Variants in TRIP4 observed in about 807,000 individuals in gnomAD.
TRIP4 encodes thyroid hormone receptor interactor 4, also known as activating signal cointegrator 1.
A neutral mutation model predicts 81.8 loss-of-function variants in TRIP4; 54 were observed. The observed-to-expected ratio is 0.66, with a 90% CI of 0.53 to 0.83. The LOEUF (loss-of-function observed/expected upper bound fraction) is 0.83. Among genes scored for constraint, TRIP4 ranks in the 40% least tolerant of loss-of-function variants. The pLI is 0.00. For missense variants in TRIP4, 662 were observed against 683.6 expected, an observed-to-expected ratio of 0.97 and a Z score of 0.35; for synonymous variants, 270 against 242.8, an observed-to-expected ratio of 1.11 and a Z score of -1.04.
chr15:64,404,984 C>T (rs1439911292), intron 5 of TRIP4, among the ~76,000 whole-genome samples: 1 of 152,028 alleles, frequency 6.6e-6, no homozygotes, highest in Non-Finnish European at 1.5e-5. Context: ...CTGCACACAG[C>T]CACCTAACCC....
At chr15:64,394,857 G>A (rs1468900037) in intron 2 of TRIP4, among the ~76,000 whole-genome samples, 1 of 152,100 alleles carries the variant, frequency 6.6e-6, no homozygotes, top group East Asian at 1.9e-4. Context: ...AATTTTGTTT[G>A]TTTTGAGACA....
chr15:64,394,835 C>T (rs576246145), intron 2 of TRIP4, among the ~76,000 whole-genome samples: 2 of 152,214 alleles, frequency 1.3e-5, no homozygotes, highest in Non-Finnish European at 2.9e-5. Context: ...ATTATGCAAT[C>T]TACAATATCA....
chr15:64,432,048 G>A (rs990747651), intron 11 of TRIP4, among the ~76,000 whole-genome samples: 6 of 150,228 alleles, frequency 4.0e-5, no homozygotes, highest in Admixed American at 1.3e-4. Context: ...CACCACGCCC[G>A]GCTAATTTTT....
At chr15:64,444,746 CT>C (rs10694997) in intron 11 of TRIP4, 40 of 108,312 alleles carry the variant, frequency 3.7e-4, no homozygotes, top group East Asian at 1.4e-3. Context: ...TTCAGGTATC[CT>C]TTTTTTTTTT....
intron 9 of TRIP4, among the ~76,000 whole-genome samples, chr15:64,422,052 G>T (rs1892030611): frequency 6.6e-6 from 1 of 151,926 alleles, no homozygotes; most frequent in African/African-American, 2.4e-5. Context: ...AGAGCAAGAG[G>T]CTATACCATA....
At chr15:64,397,162 GTATTATC>G (rs1900319816) in intron 3 of TRIP4, among the ~76,000 whole-genome samples, 1 of 151,840 alleles carries the variant, frequency 6.6e-6, no homozygotes, top group African/African-American at 2.4e-5. Flanking sequence ...TTTTTCTATT[GTATTATC>G]TGTCCTTTTC....
intron 5 of TRIP4, 31 bp from the exon 6 acceptor site, chr15:64,406,299 G>T: frequency 6.2e-7 from 1 of 1,610,378 alleles, no homozygotes; most frequent in South Asian, 1.1e-5. Flanking sequence ...TTTAGAGGCT[G>T]ACACCATTTG....
chr15:64,397,472 T>C, intron 3 of TRIP4, 134 bp from the exon 4 acceptor site: 1 of 829,538 alleles, frequency 1.2e-6, no homozygotes, highest in Non-Finnish European at 1.8e-6. Flanking sequence ...TTTGTATTTC[T>C]TCCTTTCACT....
At chr15:64,422,349 T>C (rs1359978830) in intron 9 of TRIP4, among the ~76,000 whole-genome samples, 1 of 152,226 alleles carries the variant, frequency 6.6e-6, no homozygotes, top group Non-Finnish European at 1.5e-5. Context: ...TTCTCTACTT[T>C]ACTTAAAAGC....
chr15:64,400,745 G>A lies in TRIP4; in HGVS notation c.621G>A (p.Val207=), dbSNP rs1185686023. 2 of 1,613,206 alleles carry A rather than the reference G, an allele frequency of 1.2e-6. No homozygotes were observed. The highest frequency in any genetic ancestry group is 1.7e-6 in the Non-Finnish European group (2 of 1,179,418). ...SGPCLFCGTL[V]CTHEEQDILQ... ...GTCTTACTCTTACTATTTTACAGGTGTGTACTCATGAGGAACAAGATATTT... is the reference window on the plus strand; with the variant it reads ...GTCTTACTCTTACTATTTTACAGGTATGTACTCATGAGGAACAAGATATTT... The change falls in exon 5 of 13, where the codon GTG becomes GTA. Residue 207 remains valine (V), a splice_region_variant and synonymous_variant. Transcript: ENST00000261884.
intron 5 of TRIP4, 129 bp downstream of exon 5, chr15:64,400,950 G>GTT (rs11380356): frequency 1.3e-3 from 792 of 631,962 alleles, no homozygotes; most frequent in African/African-American, 1.8e-3. Context: ...TTTTTGGGGG[G>GTT]TTTTTTTTGT....
chr15:64,449,772 A>T (rs1480538831), intron 12 of TRIP4, among the ~76,000 whole-genome samples: 1 of 152,182 alleles, frequency 6.6e-6, no homozygotes, highest in Non-Finnish European at 1.5e-5. Flanking sequence ...ATATAGGTTG[A>T]ATACTCAGAT....
chr15:64,447,559 T>A (rs974517846), intron 12 of TRIP4, among the ~76,000 whole-genome samples: 1 of 152,202 alleles, frequency 6.6e-6, no homozygotes, highest in Non-Finnish European at 1.5e-5. Flanking sequence ...TACTGCAAAA[T>A]TCAGGCAACA....
At chr15:64,449,567 G>A (rs1201879445) in intron 12 of TRIP4, among the ~76,000 whole-genome samples, 1 of 146,886 alleles carries the variant, frequency 6.8e-6, no homozygotes, top group Non-Finnish European at 1.5e-5. Flanking sequence ...TTTATGTGTT[G>A]TATCATATAT....
intron 9 of TRIP4, 87 bp downstream of exon 9, chr15:64,418,815 C>G: frequency 7.8e-7 from 1 of 1,276,090 alleles, no homozygotes; most frequent in Non-Finnish European, 1.1e-6. Flanking sequence ...TAGTTTTCCT[C>G]AATCTAGTGA....
intron 5 of TRIP4, among the ~76,000 whole-genome samples, chr15:64,403,775 T>C (rs1343130462): frequency 6.6e-6 from 1 of 152,240 alleles, no homozygotes; most frequent in African/African-American, 2.4e-5. Context: ...TTACAAATTG[T>C]CACCTTTATT....
rs745311667 is a variant in TRIP4 at position 64,395,436 on chromosome 15, C to T, written c.310C>T (p.Arg104Trp). Residue 104 changes from arginine (R) to tryptophan (W), a missense_variant, in exon 3 of 13, where the codon CGG (arginine) becomes TGG (tryptophan). By Grantham distance (101) the Arg-to-Trp change is moderately radical (BLOSUM62 -3). Coordinates refer to ENST00000261884, the MANE Select transcript of TRIP4 (RefSeq NM_016213.5). ...GCAGAAATCAGGCGACCATCTAAAG[C>T]GGGGTAGGAAGAAAGGGAGAAACAG... ...DGQKSGDHLK[R>W]GRKKGRNRQE... 9.9e-6 allele frequency: 16 copies of T among 1,612,108 alleles called. No individual in the cohort carries two copies. The highest frequency in any genetic ancestry group is 5.5e-5 in the South Asian group (5 of 90,884).
At chr15:64,408,709 C>T (rs1891689580) in intron 6 of TRIP4, among the ~76,000 whole-genome samples, 2 of 152,068 alleles carry the variant, frequency 1.3e-5, no homozygotes, top group African/African-American at 4.8e-5. Context: ...TTGGAGTAAT[C>T]ACTCAACTTC....
rs375870382 is a variant in TRIP4, at chr15:64,398,058, G to A, written c.618+240G>A. The stretch of plus-strand genomic sequence containing the variant: ...TGGAACTACAGGTGCCTGCCACCAC[G>A]CCCAGCTAATTTTTTTGTATTTTTA... On this transcript the variant is annotated intron_variant, in intron 4 of 12. Transcript: ENST00000261884. 2.6e-5 allele frequency among the ~76,000 whole-genome samples: 4 copies of A among 151,908 alleles called. No homozygotes were observed. The East Asian group carries it at 5.8e-4, about 22-fold the overall frequency.
Sources: gnomAD v4.1 joint callset for allele counts (sites outside exome capture counted in the v4.1 genomes callset) on GRCh38, gnomAD v4.1.1 for gene constraint, MANE v1.5 for transcripts, NCBI Gene and HGNC (gene_info 2026-07-23, HGNC 2026-07-21) for gene names.